Variants in SVIL observed in about 807,000 individuals in gnomAD.
The protein encoded by SVIL is archvillin.
SVIL carries 101 observed loss-of-function variants against 240.4 expected under a neutral mutation model. That is an observed-to-expected ratio of 0.42 (90% CI 0.36 to 0.50). The LOEUF (loss-of-function observed/expected upper bound fraction) is 0.50, where lower values mean the gene tolerates loss of function less well. Among genes scored for constraint, SVIL ranks in the 20% least tolerant of loss-of-function variants. The pLI, the probability that SVIL is intolerant of heterozygous loss-of-function variation, is 0.01. For missense variants in SVIL, 2,512 were observed against 2,818.7 expected (o/e 0.89, Z 2.46); for synonymous variants, 999 against 1,100.0 (o/e 0.91, Z 1.82).
chr10:29,726,901 G>A (rs1028895613), intron 1 of SVIL, among the ~76,000 whole-genome samples: 4 of 152,120 alleles, frequency 2.6e-5, no homozygotes, highest in African/African-American at 4.8e-5. Context: ...CATCTAGAAT[G>A]TGCTTCCATC....
chr10:29,524,326 A>T, intron 14 of SVIL, 146 bp downstream of exon 14: 1 of 1,312,318 alleles, frequency 7.6e-7, no homozygotes, highest in Non-Finnish European at 1.0e-6. Flanking sequence ...TCTCATTTTT[A>T]GGAAGAAAGC....
chr10:29,531,204 C>A, intron 10 of SVIL, 50 bp downstream of exon 10: 2 of 1,578,400 alleles, frequency 1.3e-6, no homozygotes, highest in Non-Finnish European at 1.7e-6. Context: ...TTATTAAATC[C>A]AGTCTAGATG....
At chr10:29,561,756 T>C (rs942787160) in intron 3 of SVIL, among the ~76,000 whole-genome samples, 13 of 152,200 alleles carry the variant, frequency 8.5e-5, no homozygotes, top group African/African-American at 2.7e-4. Context: ...ACCACCTCAT[T>C]TCCAGGTACC....
At position 29,465,653 on chromosome 10, in the gene SVIL, G is replaced by A; in HGVS notation, c.6075C>T (p.Pro2025=). 6.2e-7 allele frequency: 1 copy of A among 1,613,838 alleles called. No homozygotes were observed. Among genetic ancestry groups the A allele is most frequent in the Non-Finnish European group, 8.5e-7 (1 of 1,179,974 alleles). Residue 2025 remains proline, a synonymous_variant, in exon 34 of 38, where the codon CCC becomes CCT. Transcript: ENST00000355867. The part of the protein sequence containing the change: ...ATEFVYPARA[P]SVVSSMPFLQ... ...GGAAGGGCATGGAACTGACCACAGAGGGGGCTCGGGCAGGGTACACAAACT... is the reference window on the plus strand; with the variant it reads ...GGAAGGGCATGGAACTGACCACAGAAGGGGCTCGGGCAGGGTACACAAACT...
intron 23 of SVIL, among the ~76,000 whole-genome samples, chr10:29,488,002 T>C (rs1392897269): frequency 6.6e-6 from 1 of 152,118 alleles, no homozygotes; most frequent in Non-Finnish European, 1.5e-5. Context: ...CAAGGATTCA[T>C]CTATACAGTG....
At chr10:29,602,559 C>T (rs1654884697) in intron 1 of SVIL, among the ~76,000 whole-genome samples, 2 of 152,196 alleles carry the variant, frequency 1.3e-5, no homozygotes, top group Non-Finnish European at 2.9e-5. Context: ...TGAAGTCAGG[C>T]CTTCTATGAA....
Position 29,529,824 on chromosome 10 carries a change from A to T in SVIL, c.2127T>A (p.Asp709Glu), listed in dbSNP as rs769438445. The T allele has an allele frequency of 1.9e-6, 3 of 1,610,576 alleles. No individual in the cohort carries two copies. In the Admixed American group the frequency reaches 5.1e-5, roughly 27 times the overall value. The change falls in exon 12 of 38, where the codon GAT (aspartate) becomes GAA (glutamate). Residue 709 changes from aspartate (D) to glutamate (E), a missense_variant. Around this residue, in one of 3 missense-constraint regions of SVIL, gnomAD observed 1,443 missense variants for 1,486.6 expected, o/e 0.97. Transcript: ENST00000355867. ...LLFREMEKSF[D>E]EQNVPKRRSR... is the part of the protein sequence containing the mutation. ...AGCGTCGCTTTGGAACATTTTGTTC[A>T]TCAAAAGATTTTTCCATCTCCTAAG...
Position 29,499,248 on chromosome 10 carries a change from G to C in SVIL, c.3532C>G (p.Arg1178Gly). The change falls in exon 18 of 38, where the codon CGA becomes GGA. Residue 1178 changes from arginine to glycine, a missense_variant. Around this residue, in one of 3 missense-constraint regions of SVIL, gnomAD observed 1,443 missense variants for 1,486.6 expected, o/e 0.97. Coordinates refer to ENST00000355867, the MANE Select transcript of SVIL (RefSeq NM_021738.3). ...TCCTCAATCGTCATTTGGCTCTCTC[G>C]ACTTTCTGTGACCCGCTGTTCATAA... The part of the protein sequence containing the change: ...SLIKKRVTES[R>G]ESQMTIEERK... 2.5e-6 allele frequency: 4 copies of C among 1,614,144 alleles called. No individual in the cohort carries two copies. The highest frequency in any genetic ancestry group is 3.4e-6 in the Non-Finnish European group (4 of 1,180,028).
At chr10:29,675,683 A>AT (rs545486128) in intron 2 of SVIL, among the ~76,000 whole-genome samples, 41 of 151,894 alleles carry the variant, frequency 2.7e-4, no homozygotes, top group African/African-American at 7.7e-4. Flanking sequence ...AAAACTAATG[A>AT]TTTTTTCCCC....
At chr10:29,726,110 T>TG (rs1299774029) in intron 1 of SVIL, among the ~76,000 whole-genome samples, 1 of 151,964 alleles carries the variant, frequency 6.6e-6, no homozygotes, top group Non-Finnish European at 1.5e-5. Context: ...TTTGTAGAGA[T>TG]GGGGTCTTAC....
At chr10:29,466,914 A>G (rs1025932350) in intron 33 of SVIL, among the ~76,000 whole-genome samples, 4 of 152,232 alleles carry the variant, frequency 2.6e-5, no homozygotes, top group Admixed American at 1.3e-4. Flanking sequence ...AAAAGTTTAT[A>G]AACATTGAGG....
chr10:29,603,331 G>GA (rs1191986456), intron 1 of SVIL, among the ~76,000 whole-genome samples: 1 of 152,112 alleles, frequency 6.6e-6, no homozygotes, highest in Non-Finnish European at 1.5e-5. Flanking sequence ...GGAGAAGTTA[G>GA]TAATTTTGTT....
chr10:29,554,807 T>C lies in SVIL; in HGVS notation c.136A>G (p.Ser46Gly). The C allele has an allele frequency of 6.2e-7, 1 of 1,608,236 alleles. No homozygotes were observed. Residue 46 changes from serine to glycine, a missense_variant, in exon 5 of 38, where the codon AGC becomes GGC. Ser to Gly is a moderately conservative substitution (Grantham distance 56, BLOSUM62 0). Around this residue, in one of 3 missense-constraint regions of SVIL, gnomAD observed 1,443 missense variants for 1,486.6 expected, o/e 0.97. Coordinates refer to ENST00000355867, the MANE Select transcript of SVIL (RefSeq NM_021738.3). ...EEDTPRYMRA[S>G]DPASPHIGRS... ...CCGATGTGGGGGCTGGCAGGGTCGCTGGCTCTCATGTATCGAGGGGTGTCT... is the reference window on the plus strand; with the variant it reads ...CCGATGTGGGGGCTGGCAGGGTCGCCGGCTCTCATGTATCGAGGGGTGTCT...
At chr10:29,496,425 A>G (rs1948447193) in intron 18 of SVIL, 2 of 455,814 alleles carry the variant, frequency 4.4e-6, no homozygotes, top group Admixed American at 2.4e-5. Context: ...AAGAGACATC[A>G]GAGGAGTTCA....
At chr10:29,478,816 T>A (rs1227653646) in intron 29 of SVIL, among the ~76,000 whole-genome samples, 1 of 150,298 alleles carries the variant, frequency 6.7e-6, no homozygotes, top group African/African-American at 2.4e-5. Flanking sequence ...TCCCAGCTAC[T>A]TGGGAGGCTG....
chr10:29,590,003 T>TA (rs538036218), intron 1 of SVIL, among the ~76,000 whole-genome samples: 139 of 151,442 alleles, frequency 9.2e-4, no homozygotes, highest in African/African-American at 3.0e-3. Context: ...CCGTCTCTAC[T>TA]AAAAATGCAA....
At chr10:29,577,844 A>T (rs1209841564) in intron 1 of SVIL, among the ~76,000 whole-genome samples, 2 of 152,236 alleles carry the variant, frequency 1.3e-5, no homozygotes, top group Non-Finnish European at 2.9e-5. Flanking sequence ...AAAATAAAAT[A>T]GTTGTAAATT....
intron 3 of SVIL, among the ~76,000 whole-genome samples, chr10:29,642,686 C>G (rs1339121038): frequency 1.3e-5 from 2 of 151,892 alleles, no homozygotes; most frequent in African/African-American, 2.4e-5. Flanking sequence ...GATCTCTTCT[C>G]TCTCTCTTTT....
At chr10:29,595,876 G>T (rs751628648) in intron 1 of SVIL, among the ~76,000 whole-genome samples, 5 of 152,214 alleles carry the variant, frequency 3.3e-5, no homozygotes, top group Non-Finnish European at 5.9e-5. Flanking sequence ...AACAGTAGCT[G>T]CTCTGCCTGC....
Sources: gnomAD v4.1 joint callset for allele counts (sites outside exome capture counted in the v4.1 genomes callset) on GRCh38, gnomAD v4.1.1 for gene constraint, gnomAD v4.1.1 regional missense constraint, MANE v1.5 for transcripts, NCBI Gene and HGNC (gene_info 2026-07-23, HGNC 2026-07-21) for gene names.